LUZP2: variants seen among roughly 807,000 people sequenced by gnomAD.
LUZP2 encodes the protein leucine zipper protein 2.
In LUZP2, 52 loss-of-function variants were observed where a neutral mutation model predicts 51.6. That is an observed-to-expected ratio of 1.01 (90% confidence interval 0.81 to 1.27). The LOEUF (loss-of-function observed/expected upper bound fraction) is 1.27. LUZP2 is among the 50% of genes most tolerant of loss of function. The probability of loss-of-function intolerance (pLI) is 0.00; values close to 1 mark genes in which losing one functional copy is unlikely to be tolerated. For missense variants in LUZP2, 436 were observed against 395.4 expected (o/e 1.10, Z -0.87); for synonymous variants, 154 against 137.3 (o/e 1.12, Z -0.85).
At chr11:24,893,713 A>C (rs1176988782) in intron 5 of LUZP2, among the ~76,000 whole-genome samples, 1 of 151,928 alleles carries the variant, frequency 6.6e-6, no homozygotes, top group Non-Finnish European at 1.5e-5. Flanking sequence ...CCTGGCATAT[A>C]CTTTTTTCAT....
At chr11:24,551,070 C>T (rs1851710681) in intron 1 of LUZP2, among the ~76,000 whole-genome samples, 1 of 151,992 alleles carries the variant, frequency 6.6e-6, no homozygotes. Context: ...AAAATATCTT[C>T]ATGTACACTA....
intron 5 of LUZP2, among the ~76,000 whole-genome samples, chr11:24,821,193 A>G (rs1187427788): frequency 6.6e-6 from 1 of 152,106 alleles, no homozygotes; most frequent in African/African-American, 2.4e-5. Flanking sequence ...ATAAGGGGCT[A>G]TATACCAAAT....
intron 5 of LUZP2, among the ~76,000 whole-genome samples, chr11:24,871,290 A>G (rs1487815055): frequency 1.3e-5 from 2 of 152,106 alleles, no homozygotes; most frequent in Non-Finnish European, 2.9e-5. Context: ...GAAGTTGTCA[A>G]CCATCACAAT....
At chr11:24,759,143 T>C (rs963879310) in intron 4 of LUZP2, among the ~76,000 whole-genome samples, 1 of 152,178 alleles carries the variant, frequency 6.6e-6, no homozygotes, top group Non-Finnish European at 1.5e-5. Flanking sequence ...TTAAAGATTT[T>C]AATGATTATT....
intron 1 of LUZP2, among the ~76,000 whole-genome samples, chr11:24,510,313 G>C (rs1056237984): frequency 2.0e-5 from 3 of 152,204 alleles, no homozygotes; most frequent in Non-Finnish European, 2.9e-5. Flanking sequence ...AGCCTGGCAG[G>C]ACTAAAGAAG....
chr11:24,832,580 C>G (rs1477259490), intron 5 of LUZP2, among the ~76,000 whole-genome samples: 2 of 151,118 alleles, frequency 1.3e-5, no homozygotes, highest in African/African-American at 4.9e-5. Flanking sequence ...TAAAAATATG[C>G]AAAAATTACA....
intron 8 of LUZP2, among the ~76,000 whole-genome samples, chr11:24,978,649 T>C (rs1473095511): frequency 6.6e-6 from 1 of 151,804 alleles, no homozygotes; most frequent in African/African-American, 2.4e-5. Context: ...CACAAGGTCT[T>C]GGGTCCCATA....
At position 24,607,341 on chromosome 11, in the gene LUZP2, C is replaced by CTTTTT. The variant is rs57741208; in HGVS notation, c.62+110061_62+110065dup. 8.1e-3 allele frequency among the ~76,000 whole-genome samples: 515 copies of CTTTTT among 63,410 alleles called. 25 individuals carry two copies. The highest frequency in any genetic ancestry group is 0.032 in the East Asian group (32 of 988). The allele number at this position is 63,410 out of a possible 152,430, so 41.6% of individuals were successfully genotyped here. A position where few individuals can be genotyped will look rare whatever the true frequency, so the allele number is the denominator to read the frequency against. On this transcript the variant is annotated intron_variant, in intron 1 of 11. Coordinates refer to ENST00000336930, the MANE Select transcript of LUZP2 (RefSeq NM_001009909.4). ...GTGGTATAAGATGGGGATATTATGT[C>CTTTTT]TTTTTTTTTTTTTTTTTTTTTTTTT... is the stretch of plus-strand genomic sequence containing the variant.
rs1401443031 is a variant in LUZP2 at position 24,919,491 on chromosome 11, AT to A, written c.522+4955del. 5.9e-5 allele frequency among the ~76,000 whole-genome samples: 8 copies of A among 135,314 alleles called. No homozygotes were observed. The South Asian group carries it at 1.1e-3, about 19-fold the overall frequency. 88.8% of individuals were successfully genotyped at this position (135,314 alleles called of 152,430 possible). A position where few individuals can be genotyped will look rare whatever the true frequency, so the allele number is the denominator to read the frequency against. Reference sequence around the variant, plus strand: ...ATGTTATATATTATATATAATATATATTCTTTATATATATTCATAATCTATA... The same window carrying A: ...ATGTTATATATTATATATAATATATATCTTTATATATATTCATAATCTATA... On this transcript the variant is annotated intron_variant, in intron 7 of 11. Transcript: ENST00000336930.
At chr11:24,926,415 A>G (rs555544444) in intron 7 of LUZP2, among the ~76,000 whole-genome samples, 9 of 138,906 alleles carry the variant, frequency 6.5e-5, no homozygotes, top group Admixed American at 6.0e-4. Context: ...ATACGTGTGT[A>G]TATATATGTG....
At position 25,078,716 on chromosome 11, in the gene LUZP2, A is replaced by G. The variant is rs1257767228; in HGVS notation, c.*58A>G. On this transcript the variant is annotated 3_prime_UTR_variant, in exon 12 of 12. Transcript: ENST00000336930. ...GCTATTGTCTTCATATTCTTTTTAGACCACAAGCTTGATGGAAATACTGTT... is the reference window on the plus strand; with the variant it reads ...GCTATTGTCTTCATATTCTTTTTAGGCCACAAGCTTGATGGAAATACTGTT... 34 of 1,283,544 alleles carry G rather than the reference A, an allele frequency of 2.6e-5. No homozygotes were observed. The highest frequency in any genetic ancestry group is 1.9e-4 in the Middle Eastern group (1 of 5,300). 79.5% of individuals were successfully genotyped at this position (1,283,544 alleles called of 1,614,324 possible). A position where few individuals can be genotyped will look rare whatever the true frequency, so the allele number is the denominator to read the frequency against.
chr11:24,815,001 AAAAAAT>A (rs1850135392), intron 5 of LUZP2, among the ~76,000 whole-genome samples: 1 of 145,704 alleles, frequency 6.9e-6, no homozygotes, highest in Admixed American at 6.9e-5. Flanking sequence ...CAAAAAAAAA[AAAAAAT>A]AAAAATAATC....
chr11:24,981,290 A>G (rs759886861), intron 8 of LUZP2, among the ~76,000 whole-genome samples: 11 of 151,690 alleles, frequency 7.3e-5, no homozygotes, highest in Non-Finnish European at 1.3e-4. Context: ...CCATTTTTAG[A>G]CCATATAGGG....
Position 24,564,779 on chromosome 11 carries a change from C to G in LUZP2, c.62+67474C>G, listed in dbSNP as rs559937347. Reference sequence around the variant, plus strand: ...GTTTTTTTAAAAAATAACATTTGATCTAGTCAGCTAATAATATCCTCTGAG... The same window carrying G: ...GTTTTTTTAAAAAATAACATTTGATGTAGTCAGCTAATAATATCCTCTGAG... On this transcript the variant is annotated intron_variant, in intron 1 of 11. Coordinates refer to ENST00000336930, the MANE Select transcript of LUZP2 (RefSeq NM_001009909.4). Among the ~76,000 whole-genome samples the G allele has an allele frequency of 2.0e-5, 3 of 152,202 alleles. No homozygotes were observed. The South Asian group carries it at 6.2e-4, about 32-fold the overall frequency.
chr11:24,699,918 C>T (rs1173298192), intron 1 of LUZP2, among the ~76,000 whole-genome samples: 2 of 151,176 alleles, frequency 1.3e-5, no homozygotes, highest in Non-Finnish European at 2.9e-5. Context: ...GAGTAAGAGC[C>T]AACAACAACA....
chr11:24,787,300 T>C (rs1368990811), intron 5 of LUZP2, among the ~76,000 whole-genome samples: 3 of 152,146 alleles, frequency 2.0e-5, no homozygotes, highest in African/African-American at 7.2e-5. Context: ...ACTGATTTTA[T>C]AAGTTCAAAA....
intron 5 of LUZP2, among the ~76,000 whole-genome samples, chr11:24,863,098 T>C (rs1851787716): frequency 6.6e-6 from 1 of 152,200 alleles, no homozygotes; most frequent in South Asian, 2.1e-4. Context: ...CATTTATTGC[T>C]GATGGAAATT....
chr11:24,814,687 C>T (rs1157054896), intron 5 of LUZP2, among the ~76,000 whole-genome samples: 1 of 152,102 alleles, frequency 6.6e-6, no homozygotes, highest in Non-Finnish European at 1.5e-5. Flanking sequence ...TGAAGTTTCT[C>T]AGTGTTATTA....
chr11:25,065,222 A>C (rs1446161), intron 10 of LUZP2, among the ~76,000 whole-genome samples: 1 of 151,880 alleles, frequency 6.6e-6, no homozygotes, highest in Non-Finnish European at 1.5e-5. Context: ...CCATGTACCT[A>C]GGTCCCACAA....
Sources: allele counts gnomAD v4.1 joint callset (sites outside exome capture counted in the v4.1 genomes callset), GRCh38; gene constraint gnomAD v4.1.1; transcripts MANE v1.5; gene names NCBI Gene and HGNC (gene_info 2026-07-23, HGNC 2026-07-21).